Variants in EML4 observed in about 807,000 individuals in gnomAD.
EML4 encodes the protein EMAP like 4, also known as echinoderm microtubule-associated protein-like 4.
EML4 carries 72 observed loss-of-function variants against 129.0 expected under a neutral mutation model. That is an observed-to-expected ratio of 0.56 (90% confidence interval 0.46 to 0.68). The LOEUF is 0.68. Among genes scored for constraint, EML4 ranks in the 30% least tolerant of loss-of-function variants. EML4 has a pLI of 0.00. For missense variants in EML4, 1,363 were observed against 1,190.6 expected (o/e 1.14, Z -2.13); for synonymous variants, 532 against 405.0 (o/e 1.31, Z -3.77).
chr2:42,204,812 C>G (rs1032317239), intron 1 of EML4, among the ~76,000 whole-genome samples: 6 of 152,084 alleles, frequency 3.9e-5, no homozygotes, highest in African/African-American at 1.4e-4. Flanking sequence ...ACTGTTACAG[C>G]TAGAGTTAGA....
At chr2:42,310,314 T>TTCCCC (rs2103761079) in intron 17 of EML4, among the ~76,000 whole-genome samples, 13 of 150,830 alleles carry the variant, frequency 8.6e-5, no homozygotes, top group Non-Finnish European at 1.2e-4. Context: ...TCCCTTCCCC[T>TTCCCC]TTCCCTTTCC....
chr2:42,258,470 G>A (rs552922620), intron 3 of EML4, among the ~76,000 whole-genome samples: 3 of 151,782 alleles, frequency 2.0e-5, no homozygotes, highest in African/African-American at 4.8e-5. Flanking sequence ...GCGCAATCTC[G>A]GCTCACCGCA....
intron 1 of EML4, among the ~76,000 whole-genome samples, chr2:42,193,034 T>C (rs1671693680): frequency 6.6e-6 from 1 of 152,204 alleles, no homozygotes; most frequent in Non-Finnish European, 1.5e-5. Context: ...CAAACCTTAG[T>C]CTTTAGCTGC....
At chr2:42,309,361 A>G (rs1392201640) in intron 17 of EML4, among the ~76,000 whole-genome samples, 1 of 150,906 alleles carries the variant, frequency 6.6e-6, no homozygotes, top group Non-Finnish European at 1.5e-5. Flanking sequence ...ATAGTGAGCT[A>G]TGATGGCACC....
At chr2:42,231,979 T>C (rs1008990379) in intron 1 of EML4, among the ~76,000 whole-genome samples, 9 of 152,112 alleles carry the variant, frequency 5.9e-5, no homozygotes, top group Non-Finnish European at 1.0e-4. Context: ...TTCTAATTTC[T>C]GGTAGATAAA....
rs375188770 is a variant in EML4, at chr2:42,262,241, A to G, written c.513-937A>G. Among the ~76,000 whole-genome samples, 9 of 152,164 alleles carry G rather than the reference A, an allele frequency of 5.9e-5. No individual in the cohort carries two copies. The East Asian group carries it at 1.2e-3, about 20-fold the overall frequency. On this transcript the variant is annotated intron_variant, in intron 4 of 22. Transcript: ENST00000318522. ...AATTGGGAAAACCAAAATACCCTTC[A>G]CTTGATCGATGCATGTTTACCACTT...
At chr2:42,171,969 A>G (rs1355491116) in intron 1 of EML4, among the ~76,000 whole-genome samples, 1 of 152,176 alleles carries the variant, frequency 6.6e-6, no homozygotes, top group Non-Finnish European at 1.5e-5. Context: ...TAATTAGCCT[A>G]GAGCTTAGAG....
At chr2:42,263,059 C>T (rs1048132233) in intron 4 of EML4, 119 bp from the exon 5 acceptor site, 68 of 802,138 alleles carry the variant, frequency 8.5e-5, no homozygotes, top group Non-Finnish European at 1.2e-4. Context: ...ACTAATCCTT[C>T]TCTTTTCTGG....
In EML4 at chr2:42,325,268, A is replaced by G. The variant is rs76076448; in HGVS notation, c.2155-199A>G. 2,763 of 619,778 alleles carry G rather than the reference A, an allele frequency of 4.5e-3. 43 individuals are homozygous for G. Among genetic ancestry groups the G allele is most frequent in the African/African-American group, 0.044 (2,425 of 55,540 alleles). The allele number at this position is 619,778 out of a possible 1,614,324, so 38.4% of individuals were successfully genotyped here. ...GTAGGTGCTAGTTTCTGGTATCTAG[A>G]TAGGCCAGAAAGTTTCTCCCAGGTT... On this transcript the variant is annotated intron_variant, in intron 19 of 22. Transcript: ENST00000318522.
intron 19 of EML4, among the ~76,000 whole-genome samples, chr2:42,322,533 A>T (rs1669575774): frequency 6.6e-6 from 1 of 152,256 alleles, no homozygotes; most frequent in Non-Finnish European, 1.5e-5. Flanking sequence ...TGCAGTTGAC[A>T]AAGATTTAAC....
chr2:42,270,771 A>AGGTG (rs1666320125), intron 6 of EML4, among the ~76,000 whole-genome samples: 1 of 152,240 alleles, frequency 6.6e-6, no homozygotes, highest in African/African-American at 2.4e-5. Context: ...CTTTTTACCA[A>AGGTG]GGTGGTATCC....
At chr2:42,329,631 TTCAC>T in intron 22 of EML4, 99 bp from the exon 23 acceptor site, 1 of 896,686 alleles carries the variant, frequency 1.1e-6, no homozygotes, top group Admixed American at 2.3e-5. Context: ...GATTGCCCAT[TTCAC>T]AAGCTGAGTT....
At chr2:42,262,392 T>C (rs577541232) in intron 4 of EML4, among the ~76,000 whole-genome samples, 10 of 152,236 alleles carry the variant, frequency 6.6e-5, no homozygotes, top group African/African-American at 1.9e-4. Context: ...TAACTTTGGA[T>C]TGTGTGTGGT....
At chr2:42,219,904 C>T (rs1673457447) in intron 1 of EML4, among the ~76,000 whole-genome samples, 1 of 144,422 alleles carries the variant, frequency 6.9e-6, no homozygotes, top group African/African-American at 2.6e-5. Context: ...GCAGCCTGGG[C>T]GACAGAAGGA....
chr2:42,252,924 C>A (rs929335672), intron 2 of EML4, among the ~76,000 whole-genome samples: 1 of 152,100 alleles, frequency 6.6e-6, no homozygotes, highest in Non-Finnish European at 1.5e-5. Context: ...GTTTTCATTG[C>A]CAATGTGATT....
chr2:42,280,300 T>G (rs369054535), intron 6 of EML4, among the ~76,000 whole-genome samples: 2 of 152,206 alleles, frequency 1.3e-5, no homozygotes, highest in East Asian at 1.9e-4. Flanking sequence ...CAAAAAATTA[T>G]TCTCAGTTAA....
intron 1 of EML4, among the ~76,000 whole-genome samples, chr2:42,203,592 TACTA>T (rs1027730888): frequency 1.2e-4 from 18 of 151,934 alleles, no homozygotes; most frequent in African/African-American, 3.6e-4. Flanking sequence ...CACAGATTAA[TACTA>T]ACAGCCGTTT....
At chr2:42,265,510 G>T (rs1358329862) in intron 6 of EML4, among the ~76,000 whole-genome samples, 1 of 152,132 alleles carries the variant, frequency 6.6e-6, no homozygotes, top group Non-Finnish European at 1.5e-5. Context: ...AAAATGCTGG[G>T]ATTATAGGCA....
intron 1 of EML4, among the ~76,000 whole-genome samples, chr2:42,176,147 A>T (rs529453459): frequency 6.6e-6 from 1 of 151,976 alleles, no homozygotes; most frequent in East Asian, 1.9e-4. Flanking sequence ...TTTCCCACTG[A>T]CTGTATCACC....
Sources: gnomAD v4.1 joint callset for allele counts (sites outside exome capture counted in the v4.1 genomes callset) on GRCh38, gnomAD v4.1.1 for gene constraint, MANE v1.5 for transcripts, NCBI Gene and HGNC (gene_info 2026-07-23, HGNC 2026-07-21) for gene names.